Variants in ADAMTSL1 observed in about 807,000 individuals in gnomAD.
ADAMTSL1 encodes ADAMTS like 1, also known as ADAMTS-like protein 1.
A neutral mutation model predicts 201.8 loss-of-function variants in ADAMTSL1; 126 were observed. The observed-to-expected ratio is 0.62, with a 90% CI of 0.54 to 0.72. The LOEUF (loss-of-function observed/expected upper bound fraction) is 0.72. Among genes scored for constraint, ADAMTSL1 ranks in the 30% least tolerant of loss-of-function variants. ADAMTSL1 has a pLI of 0.00. For missense variants in ADAMTSL1, 2,679 were observed against 2,277.8 expected, an observed-to-expected ratio of 1.18 and a Z score of -3.59; for synonymous variants, 1,121 against 903.4, an observed-to-expected ratio of 1.24 and a Z score of -4.32.
chr9:18,608,211 G>A (rs770822930), intron 4 of ADAMTSL1, among the ~76,000 whole-genome samples: 7 of 152,166 alleles, frequency 4.6e-5, no homozygotes, highest in South Asian at 2.1e-4. Flanking sequence ...CACTTCCTGT[G>A]TTAAGGTAAT....
chr9:18,576,406 C>G (rs1438316753), intron 4 of ADAMTSL1, among the ~76,000 whole-genome samples: 1 of 152,074 alleles, frequency 6.6e-6, no homozygotes, highest in Non-Finnish European at 1.5e-5. Context: ...CATGGATGAC[C>G]ATAGTCTCAC....
intron 1 of ADAMTSL1, among the ~76,000 whole-genome samples, chr9:17,907,415 C>G (rs1563887679): frequency 6.6e-6 from 1 of 152,200 alleles, no homozygotes; most frequent in South Asian, 2.1e-4. Context: ...TAGGGCCGCC[C>G]GCAGCCGAGT....
rs71333072 is a variant in ADAMTSL1, at chr9:18,904,633, C to CAAAAAAAAAAA, written c.4852-1120_4852-1110dup. On this transcript the variant is annotated intron_variant, in intron 26 of 28. Coordinates refer to ENST00000380548, the MANE Select transcript of ADAMTSL1 (RefSeq NM_001040272.6). ...TGGGCAACAGAAAGAGACCCTGCCT[C>CAAAAAAAAAAA]AAAAAAAAAAAAAAAAAAAAAAAAA... Among the ~76,000 whole-genome samples the CAAAAAAAAAAA allele has an allele frequency of 7.3e-4, 11 of 14,984 alleles. 1 individual carries two copies. Among genetic ancestry groups the CAAAAAAAAAAA allele is most frequent in the Non-Finnish European group, 1.1e-3 (9 of 8,420 alleles). The allele number at this position is 14,984 out of a possible 152,430, so 9.8% of individuals were successfully genotyped here. A position where few individuals can be genotyped will look rare whatever the true frequency, so the allele number is the denominator to read the frequency against.
At chr9:18,011,919 T>G (rs1175875147) in intron 1 of ADAMTSL1, among the ~76,000 whole-genome samples, 1 of 151,998 alleles carries the variant, frequency 6.6e-6, no homozygotes, top group African/African-American at 2.4e-5. Context: ...GTTGCCGGTA[T>G]GGAGCTTTGG....
Position 17,986,476 on chromosome 9 carries a change from A to C in ADAMTSL1, c.87+79554A>C, listed in dbSNP as rs10963382. ...TGGTGGAAGAAAACTCAATGTGAAC[A>C]ATTATCAGAAAGAAGAATGATCTGT... On this transcript the variant is annotated intron_variant, in intron 1 of 29. Coordinates refer to the ADAMTSL1 transcript ENST00000680146. Among the ~76,000 whole-genome samples, 4 of 152,162 alleles carry C rather than the reference A, an allele frequency of 2.6e-5. No homozygotes were observed. The East Asian group carries it at 7.7e-4, about 29-fold the overall frequency.
At chr9:18,798,827 T>A (rs1306843294) in intron 20 of ADAMTSL1, among the ~76,000 whole-genome samples, 1 of 152,236 alleles carries the variant, frequency 6.6e-6, no homozygotes, top group African/African-American at 2.4e-5. Context: ...CAGTTCTACT[T>A]CTTATTCTGT....
chr9:18,717,605 A>T (rs1349897529), intron 14 of ADAMTSL1, among the ~76,000 whole-genome samples: 5 of 152,206 alleles, frequency 3.3e-5, no homozygotes, highest in African/African-American at 1.2e-4. Flanking sequence ...TGGTGCTTTT[A>T]GGATTTACAT....
Position 18,631,080 on chromosome 9 carries a change from T to C in ADAMTSL1, c.602-4863T>C, listed in dbSNP as rs576203936. Among the ~76,000 whole-genome samples, 9 of 152,292 alleles carry C rather than the reference T, an allele frequency of 5.9e-5. No individual in the cohort carries two copies. The South Asian group carries it at 1.9e-3, about 32-fold the overall frequency. ...GAGAGGGAATATAAGATACTACTGA[T>C]TGTGAGATGTATTCTGATTTCATAT... is the stretch of plus-strand genomic sequence containing the variant. On this transcript the variant is annotated intron_variant, in intron 5 of 28. Transcript: ENST00000380548.
chr9:18,611,110 A>C (rs1825334673), intron 4 of ADAMTSL1, among the ~76,000 whole-genome samples: 1 of 152,174 alleles, frequency 6.6e-6, no homozygotes, highest in South Asian at 2.1e-4. Flanking sequence ...GTGTTTAAAC[A>C]AAAACTGTGT....
chr9:18,809,035 G>C (rs1393545239), intron 20 of ADAMTSL1, among the ~76,000 whole-genome samples: 4 of 152,246 alleles, frequency 2.6e-5, no homozygotes, highest in African/African-American at 9.6e-5. Context: ...TAGGCGCCAG[G>C]CCTAGGTGAT....
intron 2 of ADAMTSL1, among the ~76,000 whole-genome samples, chr9:18,464,363 C>G (rs1038804240): frequency 3.9e-5 from 6 of 152,128 alleles, no homozygotes; most frequent in African/African-American, 1.4e-4. Flanking sequence ...AAAACCTGTA[C>G]AAATGAAATT....
intron 2 of ADAMTSL1, among the ~76,000 whole-genome samples, chr9:18,440,431 G>A (rs1360191637): frequency 6.6e-6 from 1 of 151,454 alleles, no homozygotes; most frequent in Non-Finnish European, 1.5e-5. Flanking sequence ...AATGACAGGG[G>A]AGATAAGGAC....
intron 2 of ADAMTSL1, among the ~76,000 whole-genome samples, chr9:18,320,615 T>G (rs150549490): frequency 2.0e-4 from 30 of 152,332 alleles, no homozygotes; most frequent in Admixed American, 5.2e-4. Context: ...TTTTCTAAAT[T>G]TCTTTTAAAA....
intron 1 of ADAMTSL1, among the ~76,000 whole-genome samples, chr9:17,931,373 T>C (rs1299676763): frequency 6.6e-6 from 1 of 152,142 alleles, no homozygotes; most frequent in Non-Finnish European, 1.5e-5. Context: ...TCTATTTCAA[T>C]TGTATTGAGG....
At chr9:18,531,562 T>C (rs899948542) in intron 2 of ADAMTSL1, among the ~76,000 whole-genome samples, 3 of 152,238 alleles carry the variant, frequency 2.0e-5, no homozygotes, top group Non-Finnish European at 4.4e-5. Flanking sequence ...GTCAAGTCTT[T>C]AGGAATGGGA....
At chr9:17,964,691 G>A (rs979743115) in intron 1 of ADAMTSL1, among the ~76,000 whole-genome samples, 1 of 152,134 alleles carries the variant, frequency 6.6e-6, no homozygotes, top group Non-Finnish European at 1.5e-5. Context: ...GGTAGAAGAT[G>A]TTACCATTAA....
At chr9:18,475,117 C>G (rs1041342521) in intron 1 of ADAMTSL1, among the ~76,000 whole-genome samples, 1 of 152,170 alleles carries the variant, frequency 6.6e-6, no homozygotes, top group Non-Finnish European at 1.5e-5. Context: ...CCAGAGTGTT[C>G]TGGGCAGGCA....
chr9:18,549,287 G>A (rs149776924), intron 3 of ADAMTSL1, among the ~76,000 whole-genome samples: 271 of 152,096 alleles, frequency 1.8e-3, no homozygotes, highest in Admixed American at 2.6e-3. Context: ...AAACTTCTCA[G>A]TCATAATGGA....
At chr9:18,602,595 C>G (rs1389896576) in intron 4 of ADAMTSL1, among the ~76,000 whole-genome samples, 1 of 152,152 alleles carries the variant, frequency 6.6e-6, no homozygotes, top group African/African-American at 2.4e-5. Flanking sequence ...TAATTCAGAG[C>G]TCACATCTCA....
Sources: gnomAD v4.1 joint callset for allele counts (sites outside exome capture counted in the v4.1 genomes callset) on GRCh38, gnomAD v4.1.1 for gene constraint, MANE v1.5 for transcripts, NCBI Gene and HGNC (gene_info 2026-07-23, HGNC 2026-07-21) for gene names.